The following ARID5B variants were observed in gnomAD, a reference collection of about 807,000 sequenced individuals.
ARID5B encodes the protein AT-rich interactive domain-containing protein 5B.
In ARID5B, 13 loss-of-function variants were observed where a neutral mutation model predicts 97.2. The observed-to-expected ratio is 0.13, with a 90% CI of 0.09 to 0.21. The LOEUF is 0.21. ARID5B is among the 10% of genes least tolerant of loss of function. ARID5B has a pLI of 1.00. For synonymous variants in ARID5B, 556 were observed against 570.3 expected, an observed-to-expected ratio of 0.97 and a Z score of 0.36; for missense variants, 1,210 against 1,465.3, an observed-to-expected ratio of 0.83 and a Z score of 2.84.
chr10:62,069,753 T>G lies in ARID5B; in HGVS notation c.1155T>G (p.Pro385=), dbSNP rs754743361. 1 of 1,614,164 alleles carries G rather than the reference T, an allele frequency of 6.2e-7. No individual in the cohort carries two copies. The highest frequency in any genetic ancestry group is 8.5e-7 in the Non-Finnish European group (1 of 1,180,006). ...TTTATGATGAATTAGGCGGTAATCC[T>G]GGGAGCACCAGCGCTGCCACTTGTA... The part of the protein sequence containing the change: ...KHIYDELGGN[P]GSTSAATCTR... The change falls in exon 8 of 10, where the codon CCT becomes CCG. Residue 385 remains proline (P), a synonymous_variant. Transcript: ENST00000279873.
chr10:61,926,498 G>T (rs1028649961), intron 2 of ARID5B, among the ~76,000 whole-genome samples: 3 of 152,216 alleles, frequency 2.0e-5, no homozygotes, highest in African/African-American at 7.2e-5. Context: ...TCGTAGACTA[G>T]TGTCTGTGTC....
chr10:61,915,957 T>C (rs1025787611), intron 2 of ARID5B, among the ~76,000 whole-genome samples: 1 of 152,216 alleles, frequency 6.6e-6, no homozygotes, highest in African/African-American at 2.4e-5. Flanking sequence ...GGTTTCACCA[T>C]GTTGGTCAGG....
chr10:62,051,388 A>C (rs1270719807), intron 5 of ARID5B, among the ~76,000 whole-genome samples: 1 of 152,200 alleles, frequency 6.6e-6, no homozygotes, highest in Non-Finnish European at 1.5e-5. Context: ...TGTTCATCTA[A>C]ATGTGTTTTG....
chr10:62,093,104 T>A lies in ARID5B; in HGVS notation c.*74T>A. 3 of 1,520,796 alleles carry A rather than the reference T, an allele frequency of 2.0e-6. No homozygotes were observed. Among genetic ancestry groups the A allele is most frequent in the Non-Finnish European group, 1.7e-6 (2 of 1,143,534 alleles). The allele number at this position is 1,520,796 out of a possible 1,614,324, so 94.2% of individuals were successfully genotyped here. ...CTCCTTACCCAGGAGTGCTGGCTTA[T>A]AGAGTTAGAAGTCAGTATTTCTTCT... On this transcript the variant is annotated 3_prime_UTR_variant, in exon 10 of 10. Transcript: ENST00000279873.
At chr10:62,070,480 C>A (rs1840049288) in intron 8 of ARID5B, among the ~76,000 whole-genome samples, 1 of 152,142 alleles carries the variant, frequency 6.6e-6, no homozygotes, top group African/African-American at 2.4e-5. Flanking sequence ...TGCTTCAAGC[C>A]CATACTTAAT....
chr10:62,061,548 G>T (rs1839921170), intron 7 of ARID5B, among the ~76,000 whole-genome samples: 1 of 152,310 alleles, frequency 6.6e-6, no homozygotes, highest in East Asian at 1.9e-4. Context: ...GCCTTCAGAT[G>T]CTAGGCCCTT....
intron 8 of ARID5B, among the ~76,000 whole-genome samples, chr10:62,075,911 T>C (rs980537740): frequency 6.8e-6 from 1 of 146,678 alleles, no homozygotes; most frequent in Admixed American, 6.7e-5. Context: ...GTCTTTTTTA[T>C]TTACTGCTGC....
intron 2 of ARID5B, among the ~76,000 whole-genome samples, chr10:61,933,061 A>G (rs1844238967): frequency 6.6e-6 from 1 of 152,224 alleles, no homozygotes; most frequent in South Asian, 2.1e-4. Context: ...ACAGAGCCAG[A>G]CCCAACTCAA....
rs189308072 is a variant in ARID5B, at chr10:61,990,756, A to G, written c.503-9335A>G. Among the ~76,000 whole-genome samples, 337 of 152,344 alleles carry G rather than the reference A, an allele frequency of 2.2e-3. 2 individuals carry two copies. The highest frequency in any genetic ancestry group is 2.2e-3 in the Admixed American group (34 of 15,300). On this transcript the variant is annotated intron_variant, in intron 3 of 9. Coordinates refer to ENST00000279873, the MANE Select transcript of ARID5B (RefSeq NM_032199.3). ...TTTGTCATTGTTGTGTAAAATAGAC[A>G]TAACATAAAATTTATTATTTTAACC...
chr10:62,095,417 A>G lies in ARID5B; in HGVS notation c.*2387A>G, dbSNP rs541748596. 8.6e-6 allele frequency: 2 copies of G among 232,838 alleles called. No homozygotes were observed. The highest frequency in any genetic ancestry group is 1.7e-5 in the Non-Finnish European group (2 of 117,918). 14.4% of individuals were successfully genotyped at this position (232,838 alleles called of 1,614,324 possible). A position where few individuals can be genotyped will look rare whatever the true frequency, so the allele number is the denominator to read the frequency against. ...CATCTGTCCCCGGTGGAGCTCACCT[A>G]TTTGGAATATGGGGCATTTGTTTTT... On this transcript the variant is annotated 3_prime_UTR_variant, in exon 10 of 10. Transcript: ENST00000279873.
intron 6 of ARID5B, among the ~76,000 whole-genome samples, chr10:62,058,580 A>T (rs1202255223): frequency 1.3e-5 from 2 of 152,212 alleles, no homozygotes; most frequent in African/African-American, 4.8e-5. Context: ...TGAAAAAAAT[A>T]TATTTGCAAC....
chr10:61,931,499 C>T (rs1277712031), intron 2 of ARID5B, among the ~76,000 whole-genome samples: 1 of 152,062 alleles, frequency 6.6e-6, no homozygotes, highest in African/African-American at 2.4e-5. Context: ...GAAAAAAAAT[C>T]TAACTGGACT....
chr10:61,973,393 AG>A (rs139759011), intron 3 of ARID5B, among the ~76,000 whole-genome samples: 103 of 152,354 alleles, frequency 6.8e-4, no homozygotes, highest in African/African-American at 2.4e-3. Flanking sequence ...TGCTGATATC[AG>A]GGGCTCCAGG....
At chr10:62,029,811 C>T (rs77326475) in intron 4 of ARID5B, among the ~76,000 whole-genome samples, 1 of 152,192 alleles carries the variant, frequency 6.6e-6, no homozygotes, top group East Asian at 1.9e-4. Flanking sequence ...CTCAATTAAT[C>T]ATGACATTGA....
intron 8 of ARID5B, among the ~76,000 whole-genome samples, chr10:62,084,744 A>G (rs577564373): frequency 1.3e-5 from 2 of 152,358 alleles, no homozygotes; most frequent in Non-Finnish European, 2.9e-5. Context: ...ACAGATTAAA[A>G]CTAGAGCTGT....
intron 7 of ARID5B, among the ~76,000 whole-genome samples, chr10:62,060,297 A>G (rs1839905725): frequency 6.6e-6 from 1 of 152,214 alleles, no homozygotes; most frequent in African/African-American, 2.4e-5. Flanking sequence ...GGGATGGGGA[A>G]AGAGGACAAG....
At chr10:61,978,534 G>T (rs538812848) in intron 3 of ARID5B, among the ~76,000 whole-genome samples, 1 of 152,018 alleles carries the variant, frequency 6.6e-6, no homozygotes, top group Non-Finnish European at 1.5e-5. Flanking sequence ...CTTTTATTTC[G>T]TTGAGCAGTG....
At chr10:61,954,555 A>G (rs2132814707) in intron 3 of ARID5B, among the ~76,000 whole-genome samples, 1 of 152,258 alleles carries the variant, frequency 6.6e-6, no homozygotes, top group East Asian at 1.9e-4. Flanking sequence ...GGATGATCAC[A>G]TGTAAAACAT....
rs566373792 is a variant in ARID5B, at chr10:62,015,400, A to C, written c.733+15079A>C. Among the ~76,000 whole-genome samples the C allele has an allele frequency of 3.7e-4, 56 of 152,326 alleles. No individual in the cohort carries two copies. The South Asian group carries it at 0.01, about 28-fold the overall frequency. Reference sequence around the variant, plus strand: ...AGCTGGGATTCAAACCCTGCTCTTAAGCTGCAAAGCAGTGCTCTTACGGGT... The same window carrying C: ...AGCTGGGATTCAAACCCTGCTCTTACGCTGCAAAGCAGTGCTCTTACGGGT... On this transcript the variant is annotated intron_variant, in intron 4 of 9. Coordinates refer to ENST00000279873, the MANE Select transcript of ARID5B (RefSeq NM_032199.3).
Sources: gnomAD v4.1 joint callset for allele counts (sites outside exome capture counted in the v4.1 genomes callset) on GRCh38, gnomAD v4.1.1 for gene constraint, MANE v1.5 for transcripts, NCBI Gene and HGNC (gene_info 2026-07-23, HGNC 2026-07-21) for gene names.